Variants in YLPM1 observed in about 807,000 individuals in gnomAD.
YLPM1 encodes the protein YLP motif containing 1, also known as YLP motif-containing protein 1.
In YLPM1, 99 loss-of-function variants were observed where a neutral mutation model predicts 230.0. The observed-to-expected ratio is 0.43, with a 90% CI of 0.37 to 0.51. The LOEUF (loss-of-function observed/expected upper bound fraction) is 0.51. Among genes scored for constraint, YLPM1 ranks in the 20% least tolerant of loss-of-function variants. YLPM1 has a pLI of 0.00. For missense variants in YLPM1, 2,592 were observed against 2,707.7 expected (o/e 0.96, Z 0.95); for synonymous variants, 984 against 942.5 (o/e 1.04, Z -0.81).
At chr14:74,783,907 G>A (rs535837061) in intron 4 of YLPM1, among the ~76,000 whole-genome samples, 1 of 152,310 alleles carries the variant, frequency 6.6e-6, no homozygotes, top group South Asian at 2.1e-4. Flanking sequence ...TGAGAGGACT[G>A]CGTAACTTGC....
intron 2 of YLPM1, among the ~76,000 whole-genome samples, chr14:74,779,733 C>T (rs1017161916): frequency 1.7e-4 from 26 of 151,438 alleles, no homozygotes; most frequent in African/African-American, 6.3e-4. Flanking sequence ...CCTCAGCCTC[C>T]CAGGCTCAAG....
intron 4 of YLPM1, among the ~76,000 whole-genome samples, chr14:74,792,222 A>G (rs1342351511): frequency 6.6e-6 from 1 of 152,134 alleles, no homozygotes; most frequent in Admixed American, 6.5e-5. Context: ...GCCTTTGCCC[A>G]TTATAGCTCT....
chr14:74,769,365 C>T lies in YLPM1; in HGVS notation c.873+5003C>T, dbSNP rs10140907. On this transcript the variant is annotated intron_variant, in intron 1 of 20. Transcript: ENST00000325680. ...TCGGCTCACTGCAACCTCTGCCTCC[C>T]GGGTTCAAACAATTCTCCTGCCTCA... 1.6e-3 allele frequency among the ~76,000 whole-genome samples: 240 copies of T among 149,442 alleles called. 1 individual carries two copies. Among genetic ancestry groups the T allele is most frequent in the African/African-American group, 5.5e-3 (221 of 40,362 alleles).
intron 1 of YLPM1, among the ~76,000 whole-genome samples, chr14:74,777,215 C>T (rs1225883228): frequency 6.6e-6 from 1 of 151,998 alleles, no homozygotes; most frequent in Non-Finnish European, 1.5e-5. Flanking sequence ...AATTAAAGTA[C>T]AGCATAATTT....
chr14:74,778,629 A>G lies in YLPM1; in HGVS notation c.1056A>G (p.Pro352=), dbSNP rs1014337965. Residue 352 remains proline (P), a synonymous_variant, in exon 2 of 21, where the codon CCA becomes CCG. Coordinates refer to ENST00000325680, the MANE Select transcript of YLPM1 (RefSeq NM_019589.3). ...VPESPSSEEP[P]LPPPNEEVPP... is the part of the protein sequence containing the mutation. ...AATCTCCTTCTTCTGAGGAGCCCCC[A>G]TTGCCACCTCCAAATGAGGAAGTGC... 4 of 1,592,698 alleles carry G rather than the reference A, an allele frequency of 2.5e-6. No homozygotes were observed. The highest frequency in any genetic ancestry group is 3.5e-5 in the Admixed American group (2 of 57,376).
Position 74,811,727 on chromosome 14 carries a change from C to G in YLPM1, c.5336C>G (p.Ser1779Cys). The G allele has an allele frequency of 6.3e-7, 1 of 1,596,890 alleles. No homozygotes were observed. The highest frequency in any genetic ancestry group is 8.5e-7 in the Non-Finnish European group (1 of 1,175,076). ...KSDRPVYEGP[S>C]MFGGERRTYP... is the part of the protein sequence containing the mutation. ...GACCGACCAGTCTATGAAGGACCAT[C>G]CATGTTTGGAGGTAGAGTGATGCCT... is the stretch of plus-strand genomic sequence containing the variant. Residue 1779 changes from serine to cysteine, a missense_variant, in exon 10 of 21, where the codon TCC becomes TGC. Coordinates refer to ENST00000325680, the MANE Select transcript of YLPM1 (RefSeq NM_019589.3).
chr14:74,763,714 G>T lies in YLPM1; in HGVS notation c.225G>T (p.Val75=). The T allele has an allele frequency of 2.6e-6, 4 of 1,538,694 alleles. No individual in the cohort carries two copies. Among genetic ancestry groups the T allele is most frequent in the Non-Finnish European group, 1.8e-6 (2 of 1,139,178 alleles). The change falls in exon 1 of 21, where the codon GTG becomes GTT. Residue 75 remains valine, a synonymous_variant. Transcript: ENST00000325680. ...TGCACCAGAAGCAAATGCAGTGCGT[G>T]CTTCAGCCCCACCACCTTCCTCCGC... ...QQMHQKQMQC[V]LQPHHLPPPP...
Position 74,818,946 on chromosome 14 carries a change from A to G in YLPM1, c.6030+632A>G, listed in dbSNP as rs79270906. Among the ~76,000 whole-genome samples, 956 of 152,324 alleles carry G rather than the reference A, an allele frequency of 6.3e-3. 9 individuals are homozygous for G. The highest frequency in any genetic ancestry group is 0.028 in the South Asian group (137 of 4,818). ...CCACATGCTTAGGTTCAGGTTAAAC[A>G]TTAGCGGGAATGCTACATAAGTGAT... On this transcript the variant is annotated intron_variant, in intron 16 of 20. Coordinates refer to ENST00000325680, the MANE Select transcript of YLPM1 (RefSeq NM_019589.3).
In YLPM1 at chr14:74,811,685, C is replaced by A; in HGVS notation, c.5294C>A (p.Ser1765Tyr). Residue 1765 changes from serine to tyrosine, a missense_variant, in exon 10 of 21, where the codon TCC becomes TAC. Coordinates refer to ENST00000325680, the MANE Select transcript of YLPM1 (RefSeq NM_019589.3). ...AGAAGAGGGGGTTTTGATAGGCCAT[C>A]CTATGACCGGAAGTCTGACCGACCA... ...SSRRGGFDRP[S>Y]YDRKSDRPVY... is the part of the protein sequence containing the mutation. 1 of 1,612,502 alleles carries A rather than the reference C, an allele frequency of 6.2e-7. No individual in the cohort carries two copies. Among genetic ancestry groups the A allele is most frequent in the Non-Finnish European group, 8.5e-7 (1 of 1,179,492 alleles).
chr14:74,782,347 T>C (rs1246457263), intron 4 of YLPM1, 22 bp downstream of exon 4: 3 of 1,454,830 alleles, frequency 2.1e-6, no homozygotes, highest in Non-Finnish European at 2.7e-6. Context: ...TTTTTTTCTC[T>C]TTTTTTTTGG....
chr14:74,800,658 A>T (rs1366836193), intron 5 of YLPM1, among the ~76,000 whole-genome samples: 1 of 152,346 alleles, frequency 6.6e-6, no homozygotes, highest in Non-Finnish European at 1.5e-5. Context: ...AAAGAAAAAT[A>T]CGGTGAAGAA....
Position 74,763,378 on chromosome 14 carries a change from C to A in YLPM1, c.-112C>A, listed in dbSNP as rs556389801. On this transcript the variant is annotated 5_prime_UTR_variant, in exon 1 of 21. Coordinates refer to ENST00000325680, the MANE Select transcript of YLPM1 (RefSeq NM_019589.3). ...ACTGGCGCGCTCCGTTTACACGCTC[C>A]GGGGCCTGTAGGCGCCGCGAGTTCC... The A allele has an allele frequency of 1.5e-6, 2 of 1,319,230 alleles. No homozygotes were observed. The highest frequency in any genetic ancestry group is 2.0e-6 in the Non-Finnish European group (2 of 1,012,360). 81.7% of individuals were successfully genotyped at this position (1,319,230 alleles called of 1,614,324 possible).
rs753673419 is a variant in YLPM1, at chr14:74,799,335, T to C, written c.4038T>C (p.Tyr1346=). 23 of 1,613,796 alleles carry C rather than the reference T, an allele frequency of 1.4e-5. No homozygotes were observed. Among genetic ancestry groups the C allele is most frequent in the South Asian group, 7.7e-5 (7 of 91,074 alleles). The part of the protein sequence containing the change: ...PLPPLPPLDR[Y]RDDRWREERN... ...CACCTCTTCCACCTTTGGATAGATA[T>C]CGGGATGATAGATGGAGAGAAGAAA... is the stretch of plus-strand genomic sequence containing the variant. Residue 1346 remains tyrosine, a synonymous_variant, in exon 5 of 21, where the codon TAT becomes TAC. Coordinates refer to ENST00000325680, the MANE Select transcript of YLPM1 (RefSeq NM_019589.3).
In YLPM1 at chr14:74,781,483, G is replaced by C; in HGVS notation, c.1440G>C (p.Lys480Asn). The C allele has an allele frequency of 6.2e-7, 1 of 1,613,726 alleles. No homozygotes were observed. ...AAGATCAGCTTCAGGAGTATGAGAA[G>C]CAGTGGAAAACATGGCAGGGACATA... is the stretch of plus-strand genomic sequence containing the variant. ...PHKDQLQEYE[K>N]QWKTWQGHMK... Residue 480 changes from lysine to asparagine, a missense_variant, in exon 4 of 21, where the codon AAG becomes AAC. Physicochemically the swap from Lys to Asn is moderately conservative, Grantham distance 94 (BLOSUM62 0). Transcript: ENST00000325680.
chr14:74,801,728 T>A (rs189992029), intron 5 of YLPM1, among the ~76,000 whole-genome samples: 217 of 152,342 alleles, frequency 1.4e-3, no homozygotes, highest in South Asian at 3.5e-3. Flanking sequence ...CTCAGCTGAT[T>A]GTTGGCATGT....
Position 74,792,737 on chromosome 14 carries a change from C to T in YLPM1, c.2283-4843C>T, listed in dbSNP as rs546764185. On this transcript the variant is annotated intron_variant, in intron 4 of 20. Coordinates refer to ENST00000325680, the MANE Select transcript of YLPM1 (RefSeq NM_019589.3). ...CCTGAAAAATAAAGTTTTCGTTCTT[C>T]CTCAACACTCTGCCATATGGGTGTT... Among the ~76,000 whole-genome samples, 9 of 152,298 alleles carry T rather than the reference C, an allele frequency of 5.9e-5. No individual in the cohort carries two copies. In the South Asian group the frequency reaches 8.3e-4, roughly 14 times the overall value.
chr14:74,800,987 C>T (rs546074075), intron 5 of YLPM1, among the ~76,000 whole-genome samples: 49 of 152,258 alleles, frequency 3.2e-4, no homozygotes, highest in African/African-American at 5.1e-4. Flanking sequence ...GTGGCAAACC[C>T]GGCCTTTGAA....
Position 74,764,119 on chromosome 14 carries a change from C to G in YLPM1, c.630C>G (p.Ser210=), listed in dbSNP as rs762810762. Residue 210 remains serine (S), a synonymous_variant, in exon 1 of 21, where the codon TCC becomes TCG. Coordinates refer to ENST00000325680, the MANE Select transcript of YLPM1 (RefSeq NM_019589.3). ...CGCCCACCCCTTCTTACTCATCCTC[C>G]TCCTCTTCCTCGCAATCCTATTTGA... ...YLAPTPSYSS[S]SSSSQSYLSH... is the part of the protein sequence containing the mutation. 8 of 1,613,482 alleles carry G rather than the reference C, an allele frequency of 5.0e-6. No homozygotes were observed. In the South Asian group the frequency reaches 5.5e-5, roughly 11 times the overall value.
In YLPM1 at chr14:74,782,046, C is replaced by T. The variant is rs770622170; in HGVS notation, c.2003C>T (p.Pro668Leu). 1 of 1,613,982 alleles carries T rather than the reference C, an allele frequency of 6.2e-7. No individual in the cohort carries two copies. The highest frequency in any genetic ancestry group is 8.5e-7 in the Non-Finnish European group (1 of 1,179,876). ...QSSQVPEKPR[P>L]ALLPTPVSFG... is the part of the protein sequence containing the mutation. ...TCGCAAGTTCCAGAGAAACCTAGACCAGCACTGCTTCCTACTCCTGTGTCT... is the reference window on the plus strand; with the variant it reads ...TCGCAAGTTCCAGAGAAACCTAGACTAGCACTGCTTCCTACTCCTGTGTCT... The change falls in exon 4 of 21, where the codon CCA becomes CTA. Residue 668 changes from proline to leucine, a missense_variant. Physicochemically the swap from Pro to Leu is moderately conservative, Grantham distance 98. Coordinates refer to ENST00000325680, the MANE Select transcript of YLPM1 (RefSeq NM_019589.3).
Sources: allele counts gnomAD v4.1 joint callset (sites outside exome capture counted in the v4.1 genomes callset), GRCh38; gene constraint gnomAD v4.1.1; transcripts MANE v1.5; gene names NCBI Gene and HGNC (gene_info 2026-07-23, HGNC 2026-07-21).